The following SCGB1C2 variants were observed in gnomAD, a reference collection of about 807,000 sequenced individuals.
The protein encoded by SCGB1C2 is secretoglobin family 1C member 2.
In SCGB1C2, 3 loss-of-function variants were observed where a neutral mutation model predicts 8.4. The observed-to-expected ratio is 0.36, with a 90% CI of 0.16 to 0.92. SCGB1C2 has a LOEUF of 0.92. Among genes scored for constraint, SCGB1C2 ranks in the 40% least tolerant of loss-of-function variants. The pLI is 0.45. For synonymous variants in SCGB1C2, 18 were observed against 44.9 expected (o/e 0.40, Z 2.39); for missense variants, 54 against 105.7 (o/e 0.51, Z 2.14).
chr17:138,262 G>A lies in SCGB1C2; in HGVS notation c.115G>A (p.Val39Met). The A allele has an allele frequency of 8.2e-7, 1 of 1,220,860 alleles. No homozygotes were observed. The highest frequency in any genetic ancestry group is 1.2e-6 in the Non-Finnish European group (1 of 834,058). The allele number at this position is 1,220,860 out of a possible 1,614,324, so 75.6% of individuals were successfully genotyped here. The change falls in exon 2 of 3, where the codon GTG becomes ATG. Residue 39 changes from valine (V) to methionine (M), a missense_variant. Physicochemically the swap from Val to Met is conservative, Grantham distance 21 (BLOSUM62 1). This residue lies in a region of SCGB1C2 where 54 missense variants were observed against 68.0 expected (regional missense o/e 0.79). Transcript: ENST00000595228. ...FFMDFLQTLL[V>M]GTPEELYEGT... ...CATGGACTTCCTGCAAACACTACTG[G>A]TGGGGACCCCAGAGGAGCTCTATGA...
In SCGB1C2 at chr17:138,336, G is replaced by A; in HGVS notation, c.189G>A (p.Met63Ile). The part of the protein sequence containing the change: ...YNVNEDAKAA[M>I]TELKSCRDGL... ...TCAACGAAGATGCCAAGGCAGCAAT[G>A]ACTGAACTCAAGTCCTGCAGAGATG... Residue 63 changes from methionine to isoleucine, a missense_variant, in exon 2 of 3, where the codon ATG (methionine) becomes ATA (isoleucine). Physicochemically the swap from Met to Ile is conservative, Grantham distance 10. Around this residue, in one of 2 missense-constraint regions of SCGB1C2, gnomAD observed 54 missense variants for 68.0 expected, o/e 0.79. Coordinates refer to ENST00000595228, the MANE Select transcript of SCGB1C2 (RefSeq NM_001097610.3). The A allele has an allele frequency of 1.2e-6, 2 of 1,612,528 alleles. No homozygotes were observed. The highest frequency in any genetic ancestry group is 1.7e-6 in the Non-Finnish European group (2 of 1,179,706).
intron 2 of SCGB1C2, among the ~76,000 whole-genome samples, chr17:138,654 C>G (rs2039967715): frequency 1.1e-5 from 1 of 87,916 alleles, no homozygotes; most frequent in Non-Finnish European, 2.4e-5. Context: ...GATCCAAACA[C>G]AGGTGCAGAC....
chr17:138,411 G>C lies in SCGB1C2; in HGVS notation c.255+9G>C. 6.5e-7 allele frequency: 1 copy of C among 1,532,924 alleles called. No homozygotes were observed. The highest frequency in any genetic ancestry group is 1.2e-5 in the South Asian group (1 of 84,824). 95.0% of individuals were successfully genotyped at this position (1,532,924 alleles called of 1,614,324 possible). A position where few individuals can be genotyped will look rare whatever the true frequency, so the allele number is the denominator to read the frequency against. The stretch of plus-strand genomic sequence containing the variant: ...AGCTGGTCAAGCTGCTGGTATGAGG[G>C]CGGCGGGCACCCCATTTTCTAAAGA... On this transcript the variant is annotated intron_variant, in intron 2 of 2. Coordinates refer to ENST00000595228, the MANE Select transcript of SCGB1C2 (RefSeq NM_001097610.3).
rs1401977416 is a variant in SCGB1C2, at chr17:138,302, A to C, written c.155A>C (p.Lys52Thr). 43 of 1,583,692 alleles carry C rather than the reference A, an allele frequency of 2.7e-5. No homozygotes were observed. In the Middle Eastern group the frequency reaches 6.8e-4, roughly 25 times the overall value. Reference protein sequence around the residue: ...PEELYEGTLGKYNVNEDAKAA... With the variant: ...PEELYEGTLGTYNVNEDAKAA... ...GAGCTCTATGAGGGGACCTTGGGCAAGTACAATGTCAACGAAGATGCCAAG... is the reference window on the plus strand; with the variant it reads ...GAGCTCTATGAGGGGACCTTGGGCACGTACAATGTCAACGAAGATGCCAAG... Residue 52 changes from lysine to threonine, a missense_variant, in exon 2 of 3, where the codon AAG becomes ACG. Physicochemically the swap from Lys to Thr is moderately conservative, Grantham distance 78. Transcript: ENST00000595228.
At position 138,310 on chromosome 17, in the gene SCGB1C2, G is replaced by A. The variant is rs2039965705; in HGVS notation, c.163G>A (p.Val55Ile). ...LYEGTLGKYNVNEDAKAAMTE... is the reference protein window; with the variant it reads ...LYEGTLGKYNINEDAKAAMTE... ...TGAGGGGACCTTGGGCAAGTACAATGTCAACGAAGATGCCAAGGCAGCAAT... is the reference window on the plus strand; with the variant it reads ...TGAGGGGACCTTGGGCAAGTACAATATCAACGAAGATGCCAAGGCAGCAAT... Residue 55 changes from valine to isoleucine, a missense_variant, in exon 2 of 3, where the codon GTC (valine) becomes ATC (isoleucine). By Grantham distance (29) the Val-to-Ile change is conservative. Coordinates refer to ENST00000595228, the MANE Select transcript of SCGB1C2 (RefSeq NM_001097610.3). The A allele has an allele frequency of 6.9e-6, 11 of 1,604,592 alleles. No individual in the cohort carries two copies. The highest frequency in any genetic ancestry group is 9.4e-6 in the Non-Finnish European group (11 of 1,174,126).
rs2039965883 is a variant in SCGB1C2 at position 138,339 on chromosome 17, T to G, written c.192T>G (p.Thr64=). 6.2e-7 allele frequency: 1 copy of G among 1,612,482 alleles called. No individual in the cohort carries two copies. Among genetic ancestry groups the G allele is most frequent in the African/African-American group, 1.3e-5 (1 of 74,564 alleles). The change falls in exon 2 of 3, where the codon ACT becomes ACG. Residue 64 remains threonine (T), a synonymous_variant. Coordinates refer to ENST00000595228, the MANE Select transcript of SCGB1C2 (RefSeq NM_001097610.3). ...NVNEDAKAAM[T]ELKSCRDGLQ... ...ACGAAGATGCCAAGGCAGCAATGACTGAACTCAAGTCCTGCAGAGATGGCC... is the reference window on the plus strand; with the variant it reads ...ACGAAGATGCCAAGGCAGCAATGACGGAACTCAAGTCCTGCAGAGATGGCC...
Position 138,265 on chromosome 17 carries a change from G to A in SCGB1C2, c.118G>A (p.Gly40Arg), listed in dbSNP as rs1195266696. 6.1e-5 allele frequency: 75 copies of A among 1,220,682 alleles called. 1 individual carries two copies. The African/African-American group carries it at 1.1e-3, about 17-fold the overall frequency. 75.6% of individuals were successfully genotyped at this position (1,220,682 alleles called of 1,614,324 possible). ...GGACTTCCTGCAAACACTACTGGTGGGGACCCCAGAGGAGCTCTATGAGGG... is the reference window on the plus strand; with the variant it reads ...GGACTTCCTGCAAACACTACTGGTGAGGACCCCAGAGGAGCTCTATGAGGG... ...FMDFLQTLLV[G>R]TPEELYEGTL... is the part of the protein sequence containing the mutation. The change falls in exon 2 of 3, where the codon GGG becomes AGG. Residue 40 changes from glycine (G) to arginine (R), a missense_variant. This residue lies in a region of SCGB1C2 where 54 missense variants were observed against 68.0 expected (regional missense o/e 0.79). Transcript: ENST00000595228.
chr17:138,356 G>C lies in SCGB1C2; in HGVS notation c.209G>C (p.Arg70Thr). 1 of 1,486,146 alleles carries C rather than the reference G, an allele frequency of 6.7e-7. No homozygotes were observed. Among genetic ancestry groups the C allele is most frequent in the East Asian group, 2.6e-5 (1 of 37,878 alleles). The allele number at this position is 1,486,146 out of a possible 1,614,324, so 92.1% of individuals were successfully genotyped here. ...KAAMTELKSC[R>T]DGLQPMHKAE... is the part of the protein sequence containing the mutation. ...GCAATGACTGAACTCAAGTCCTGCA[G>C]AGATGGCCTGCAGCCAATGCACAAG... The change falls in exon 2 of 3, where the codon AGA becomes ACA. Residue 70 changes from arginine (R) to threonine (T), a missense_variant. Transcript: ENST00000595228.
At position 138,403 on chromosome 17, in the gene SCGB1C2, G is replaced by T; in HGVS notation, c.255+1G>T. On this transcript the variant is annotated splice_donor_variant, in intron 2 of 2. Transcript: ENST00000595228. LOFTEE classifies it high-confidence loss of function. Reference sequence around the variant, plus strand: ...CAAGGCGGAGCTGGTCAAGCTGCTGGTATGAGGGCGGCGGGCACCCCATTT... The same window carrying T: ...CAAGGCGGAGCTGGTCAAGCTGCTGTTATGAGGGCGGCGGGCACCCCATTT... The T allele has an allele frequency of 6.3e-7, 1 of 1,597,462 alleles. No homozygotes were observed. Among genetic ancestry groups the T allele is most frequent in the Non-Finnish European group, 8.5e-7 (1 of 1,171,914 alleles).
chr17:138,366 G>T lies in SCGB1C2; in HGVS notation c.219G>T (p.Leu73=). 6.2e-7 allele frequency: 1 copy of T among 1,612,604 alleles called. No individual in the cohort carries two copies. Among genetic ancestry groups the T allele is most frequent in the Admixed American group, 1.7e-5 (1 of 59,910 alleles). ...AACTCAAGTCCTGCAGAGATGGCCT[G>T]CAGCCAATGCACAAGGCGGAGCTGG... ...MTELKSCRDG[L]QPMHKAELVK... is the part of the protein sequence containing the mutation. The change falls in exon 2 of 3, where the codon CTG becomes CTT. Residue 73 remains leucine (L), a synonymous_variant. Coordinates refer to ENST00000595228, the MANE Select transcript of SCGB1C2 (RefSeq NM_001097610.3).
chr17:138,033 C>T (rs1380031322), intron 1 of SCGB1C2, among the ~76,000 whole-genome samples, 170 bp from the exon 2 acceptor site: 6 of 25,978 alleles, frequency 2.3e-4, no homozygotes, highest in Non-Finnish European at 1.9e-4. Context: ...GAGGGGTCTT[C>T]GGGCAAGGTG....
chr17:138,347 A>T lies in SCGB1C2; in HGVS notation c.200A>T (p.Lys67Met). ...EDAKAAMTELKSCRDGLQPMH... is the reference protein window; with the variant it reads ...EDAKAAMTELMSCRDGLQPMH... Reference sequence around the variant, plus strand: ...GCCAAGGCAGCAATGACTGAACTCAAGTCCTGCAGAGATGGCCTGCAGCCA... The same window carrying T: ...GCCAAGGCAGCAATGACTGAACTCATGTCCTGCAGAGATGGCCTGCAGCCA... Residue 67 changes from lysine (K) to methionine (M), a missense_variant, in exon 2 of 3, where the codon AAG becomes ATG. By Grantham distance (95) the Lys-to-Met change is moderately conservative. Around this residue, in one of 2 missense-constraint regions of SCGB1C2, gnomAD observed 54 missense variants for 68.0 expected, o/e 0.79. Coordinates refer to ENST00000595228, the MANE Select transcript of SCGB1C2 (RefSeq NM_001097610.3). The T allele has an allele frequency of 6.2e-7, 1 of 1,612,924 alleles. No homozygotes were observed. The highest frequency in any genetic ancestry group is 8.5e-7 in the Non-Finnish European group (1 of 1,179,836).
chr17:138,530 C>A, intron 2 of SCGB1C2, 128 bp downstream of exon 2: 2 of 529,270 alleles, frequency 3.8e-6, no homozygotes, highest in East Asian at 5.8e-5. Flanking sequence ...CCCGCATCAG[C>A]CAGCTCAGGT....
At position 138,251 on chromosome 17, in the gene SCGB1C2, A is replaced by T; in HGVS notation, c.104A>T (p.Gln35Leu). 8.3e-7 allele frequency: 1 copy of T among 1,209,124 alleles called. No individual in the cohort carries two copies. Among genetic ancestry groups the T allele is most frequent in the Non-Finnish European group, 1.2e-6 (1 of 829,034 alleles). The allele number at this position is 1,209,124 out of a possible 1,614,324, so 74.9% of individuals were successfully genotyped here. A position where few individuals can be genotyped will look rare whatever the true frequency, so the allele number is the denominator to read the frequency against. ...GATGAGTTTTTCATGGACTTCCTGC[A>T]AACACTACTGGTGGGGACCCCAGAG... is the stretch of plus-strand genomic sequence containing the variant. ...DNDEFFMDFL[Q>L]TLLVGTPEEL... The change falls in exon 2 of 3, where the codon CAA (glutamine) becomes CTA (leucine). Residue 35 changes from glutamine to leucine, a missense_variant. By Grantham distance (113) the Gln-to-Leu change is moderately radical. Transcript: ENST00000595228.
At chr17:138,822 C>A (rs1375619573) in intron 2 of SCGB1C2, 88 bp from the exon 3 acceptor site, 10 of 664,958 alleles carry the variant, frequency 1.5e-5, no homozygotes, top group South Asian at 4.9e-5. Context: ...AGACCCCCCC[C>A]CCACTGAGGG....
Position 138,319 on chromosome 17 carries a change from G to C in SCGB1C2, c.172G>C (p.Asp58His). ...GTLGKYNVNE[D>H]AKAAMTELKS... ...CTTGGGCAAGTACAATGTCAACGAA[G>C]ATGCCAAGGCAGCAATGACTGAACT... is the stretch of plus-strand genomic sequence containing the variant. Residue 58 changes from aspartate to histidine, a missense_variant, in exon 2 of 3, where the codon GAT becomes CAT. Physicochemically the swap from Asp to His is moderately conservative, Grantham distance 81 (BLOSUM62 -1). This residue lies in a region of SCGB1C2 where 54 missense variants were observed against 68.0 expected (regional missense o/e 0.79). Coordinates refer to ENST00000595228, the MANE Select transcript of SCGB1C2 (RefSeq NM_001097610.3). 2 of 1,610,354 alleles carry C rather than the reference G, an allele frequency of 1.2e-6. No homozygotes were observed. Among genetic ancestry groups the C allele is most frequent in the Non-Finnish European group, 1.7e-6 (2 of 1,178,448 alleles).
In SCGB1C2 at chr17:138,368, A is replaced by G. The variant is rs2039966097; in HGVS notation, c.221A>G (p.Gln74Arg). 1.2e-6 allele frequency: 2 copies of G among 1,612,788 alleles called. No homozygotes were observed. Among genetic ancestry groups the G allele is most frequent in the Admixed American group, 1.7e-5 (1 of 59,924 alleles). The change falls in exon 2 of 3, where the codon CAG (glutamine) becomes CGG (arginine). Residue 74 changes from glutamine (Q) to arginine (R), a missense_variant. Around this residue, in one of 2 missense-constraint regions of SCGB1C2, gnomAD observed 54 missense variants for 68.0 expected, o/e 0.79. Coordinates refer to ENST00000595228, the MANE Select transcript of SCGB1C2 (RefSeq NM_001097610.3). ...CTCAAGTCCTGCAGAGATGGCCTGC[A>G]GCCAATGCACAAGGCGGAGCTGGTC... ...TELKSCRDGLQPMHKAELVKL... is the reference protein window; with the variant it reads ...TELKSCRDGLRPMHKAELVKL...
intron 2 of SCGB1C2, 144 bp downstream of exon 2, chr17:138,546 C>T (rs1439934704): frequency 9.4e-6 from 5 of 533,858 alleles, no homozygotes; most frequent in African/African-American, 8.4e-5. Flanking sequence ...CAGGTGGACA[C>T]CCCAGACCTC....
intron 2 of SCGB1C2, 145 bp downstream of exon 2, chr17:138,547 C>T: frequency 1.9e-6 from 1 of 534,498 alleles, no homozygotes; most frequent in South Asian, 2.1e-5. Flanking sequence ...AGGTGGACAC[C>T]CCAGACCTCC....
Sources: allele counts gnomAD v4.1 joint callset (sites outside exome capture counted in the v4.1 genomes callset), GRCh38; gene constraint gnomAD v4.1.1; regional missense constraint gnomAD v4.1.1; transcripts MANE v1.5; gene names NCBI Gene and HGNC (gene_info 2026-07-23, HGNC 2026-07-21).